Variants in LRRC36 observed in about 807,000 individuals in gnomAD.
LRRC36 encodes the protein leucine rich repeat containing 36.
LRRC36 carries 62 observed loss-of-function variants against 81.1 expected under a neutral mutation model. The ratio of observed to expected loss-of-function variants is 0.76; its 90% CI spans 0.62 to 0.94. The LOEUF (loss-of-function observed/expected upper bound fraction) is 0.94. Among genes scored for constraint, LRRC36 ranks in the 40% least tolerant of loss-of-function variants. The pLI is 0.00. For missense variants in LRRC36, 761 were observed against 881.7 expected, an observed-to-expected ratio of 0.86 and a Z score of 1.73; for synonymous variants, 334 against 348.6, an observed-to-expected ratio of 0.96 and a Z score of 0.47.
chr16:67,343,183 T>TA (rs34886312), intron 2 of LRRC36, among the ~76,000 whole-genome samples: 1 of 152,206 alleles, frequency 6.6e-6, no homozygotes, highest in Admixed American at 6.5e-5. Context: ...TTTTTCTGGC[T>TA]AAAAAATTAA....
chr16:67,363,079 A>G (rs1035482483), intron 5 of LRRC36, among the ~76,000 whole-genome samples: 1 of 152,136 alleles, frequency 6.6e-6, no homozygotes, highest in African/African-American at 2.4e-5. Context: ...CACCACGCCC[A>G]GCTTAGTTTT....
At chr16:67,362,181 G>A (rs1251944078) in intron 5 of LRRC36, 5 of 452,748 alleles carry the variant, frequency 1.1e-5, no homozygotes, top group Admixed American at 2.4e-5. Context: ...TTTTCTTCCC[G>A]AGAAAGAGTC....
chr16:67,375,458 C>T (rs762182469), intron 10 of LRRC36, 46 bp downstream of exon 10: 11 of 1,510,832 alleles, frequency 7.3e-6, no homozygotes, highest in East Asian at 2.3e-5. Context: ...TGGACTTTTC[C>T]TCTGCTCTGT....
chr16:67,338,640 G>T (rs1262671996), intron 1 of LRRC36, among the ~76,000 whole-genome samples: 1 of 152,028 alleles, frequency 6.6e-6, no homozygotes, highest in Non-Finnish European at 1.5e-5. Flanking sequence ...TTTTACCCAT[G>T]CATGATTTTG....
chr16:67,384,963 T>C lies in LRRC36; in HGVS notation c.2139T>C (p.Gly713=), dbSNP rs746334387. Residue 713 remains glycine, a synonymous_variant, in exon 14 of 14, where the codon GGT becomes GGC. Transcript: ENST00000329956. ...AAGCGCTCCTGCCTCCTGAGAAGGG[T>C]CATCATCTGGGGAGATCATCGCCCT... ...SGKALLPPEK[G]HHLGRSSPFG... The C allele has an allele frequency of 6.2e-7, 1 of 1,614,134 alleles. No individual in the cohort carries two copies. Among genetic ancestry groups the C allele is most frequent in the Non-Finnish European group, 8.5e-7 (1 of 1,180,010 alleles).
chr16:67,333,646 A>C (rs906663733), intron 1 of LRRC36, among the ~76,000 whole-genome samples: 2 of 152,082 alleles, frequency 1.3e-5, no homozygotes, highest in African/African-American at 4.8e-5. Flanking sequence ...GGAATCATAT[A>C]ATATGTAGCC....
chr16:67,370,630 CAAAAAAA>C (rs576313559), intron 8 of LRRC36, among the ~76,000 whole-genome samples: 4 of 82,662 alleles, frequency 4.8e-5, no homozygotes, highest in South Asian at 4.0e-4. Context: ...GAGACTCTCT[CAAAAAAA>C]AAAAAAAAAA....
chr16:67,384,812 G>C, intron 13 of LRRC36, 58 bp from the exon 14 acceptor site: 1 of 1,381,764 alleles, frequency 7.2e-7, no homozygotes, highest in Non-Finnish European at 1.0e-6. Flanking sequence ...TTTTGGGTCT[G>C]CATGGTATCT....
chr16:67,378,235 C>CTTTTTTTTTTTTTTTTT (rs1015471341), intron 11 of LRRC36, among the ~76,000 whole-genome samples: 4 of 100,484 alleles, frequency 4.0e-5, no homozygotes, highest in Admixed American at 1.0e-4. Flanking sequence ...ATGTCAGATT[C>CTTTTTTTTTTTTTTTTT]TTTTTTTTTT....
intron 2 of LRRC36, among the ~76,000 whole-genome samples, chr16:67,345,783 CTT>C (rs964643557): frequency 6.9e-6 from 1 of 145,680 alleles, no homozygotes; most frequent in African/African-American, 2.5e-5. Context: ...CACACACACA[CTT>C]TTTTTTTTTT....
Position 67,359,653 on chromosome 16 carries a change from C to T in LRRC36, c.578-3937C>T, listed in dbSNP as rs182871998. ...GAATTATATCTCAATTAAAATAAAGCTTCTCCCACAGTCATAGAGTGATTC... is the reference window on the plus strand; with the variant it reads ...GAATTATATCTCAATTAAAATAAAGTTTCTCCCACAGTCATAGAGTGATTC... On this transcript the variant is annotated intron_variant, in intron 5 of 13. Transcript: ENST00000329956. 1.3e-3 allele frequency among the ~76,000 whole-genome samples: 204 copies of T among 152,242 alleles called. 4 individuals carry two copies. In the Middle Eastern group the frequency reaches 0.044, roughly 33 times the overall value.
In LRRC36 at chr16:67,354,100, C is replaced by T. The variant is rs145582523; in HGVS notation, c.577+3810C>T. 1.4e-3 allele frequency among the ~76,000 whole-genome samples: 214 copies of T among 152,238 alleles called. 1 individual carries two copies. Among genetic ancestry groups the T allele is most frequent in the African/African-American group, 5.1e-3 (210 of 41,538 alleles). On this transcript the variant is annotated intron_variant, in intron 5 of 13. Coordinates refer to ENST00000329956, the MANE Select transcript of LRRC36 (RefSeq NM_018296.6). ...TCTTCAGCCTAAGCTGAAAGCTTAT[C>T]TCCTGTTTGTCAACTACAATGTCCA...
chr16:67,350,967 G>C (rs557077226), intron 5 of LRRC36, among the ~76,000 whole-genome samples: 1 of 152,266 alleles, frequency 6.6e-6, no homozygotes, highest in African/African-American at 2.4e-5. Flanking sequence ...GAACCTGGGA[G>C]GCAGAGGTTG....
chr16:67,331,848 C>T (rs1272923979), intron 1 of LRRC36, among the ~76,000 whole-genome samples: 4 of 151,968 alleles, frequency 2.6e-5, no homozygotes, highest in South Asian at 2.1e-4. Flanking sequence ...ATTAGCTGGG[C>T]GGGGTGGCAC....
intron 5 of LRRC36, among the ~76,000 whole-genome samples, chr16:67,362,823 GCT>G (rs1326110060): frequency 4.0e-5 from 6 of 151,740 alleles, no homozygotes; most frequent in Non-Finnish European, 1.5e-5. Context: ...TGTCGCCCAG[GCT>G]GGAGTGCAGT....
intron 1 of LRRC36, among the ~76,000 whole-genome samples, chr16:67,340,635 G>A (rs943451594): frequency 3.8e-4 from 58 of 151,548 alleles, no homozygotes; most frequent in Non-Finnish European, 4.0e-4. Context: ...CAGCTTGGGC[G>A]AAAGAGCAAG....
intron 6 of LRRC36, chr16:67,365,029 T>A: frequency 6.1e-6 from 2 of 329,912 alleles, no homozygotes; most frequent in Non-Finnish European, 1.1e-5. Flanking sequence ...GTGGCCCTCA[T>A]CTACCTTCTA....
intron 5 of LRRC36, chr16:67,362,396 C>T (rs1363907090): frequency 7.4e-6 from 2 of 269,126 alleles, no homozygotes; most frequent in Admixed American, 4.9e-5. Flanking sequence ...CTCCTGACCT[C>T]ATCATCCGCC....
chr16:67,377,857 TC>T (rs1207058251), intron 11 of LRRC36, among the ~76,000 whole-genome samples: 4 of 151,536 alleles, frequency 2.6e-5, no homozygotes, highest in African/African-American at 9.7e-5. Context: ...ATGGTCTCAA[TC>T]TCTTGACTTC....
Sources: allele counts gnomAD v4.1 joint callset (sites outside exome capture counted in the v4.1 genomes callset), GRCh38; gene constraint gnomAD v4.1.1; transcripts MANE v1.5; gene names NCBI Gene and HGNC (gene_info 2026-07-23, HGNC 2026-07-21).